DNAH9: variants seen among roughly 807,000 people sequenced by gnomAD.
DNAH9 encodes the protein dynein axonemal heavy chain 9.
DNAH9 carries 345 observed loss-of-function variants against 471.6 expected under a neutral mutation model. The observed-to-expected ratio is 0.73, with a 90% CI of 0.67 to 0.80. The LOEUF (loss-of-function observed/expected upper bound fraction) is 0.80. Among genes scored for constraint, DNAH9 ranks in the 30% least tolerant of loss-of-function variants. The pLI is 0.00. For synonymous variants in DNAH9, 2,093 were observed against 2,123.6 expected (o/e 0.99, Z 0.40); for missense variants, 5,407 against 5,609.2 (o/e 0.96, Z 1.15).
chr17:11,606,770 CAGCTTGATTTAGG>C, intron 1 of DNAH9, among the ~76,000 whole-genome samples: 1 of 152,264 alleles, frequency 6.6e-6, no homozygotes, highest in African/African-American at 2.4e-5. Flanking sequence ...AGTTCAAGAG[CAGCTTGATTTAGG>C]AGCTCAAACA....
chr17:11,610,586 G>A (rs554025993), intron 3 of DNAH9, 32 bp downstream of exon 3: 14 of 1,606,994 alleles, frequency 8.7e-6, no homozygotes, highest in African/African-American at 5.3e-5. Context: ...GGAAGTCTGG[G>A]GTGAAGATGT....
chr17:11,838,031 T>C (rs1265060338), intron 49 of DNAH9, among the ~76,000 whole-genome samples: 1 of 152,168 alleles, frequency 6.6e-6, no homozygotes. Flanking sequence ...AATTAAGATA[T>C]ACAAGAAAGA....
At chr17:11,786,212 A>C (rs1968862856) in intron 41 of DNAH9, among the ~76,000 whole-genome samples, 2 of 152,228 alleles carry the variant, frequency 1.3e-5, no homozygotes, top group South Asian at 4.1e-4. Context: ...TGCCTGGAAC[A>C]GTGGTCTTGT....
chr17:11,890,257 G>A (rs1403849313), intron 57 of DNAH9, among the ~76,000 whole-genome samples: 2 of 152,224 alleles, frequency 1.3e-5, no homozygotes, highest in African/African-American at 4.8e-5. Context: ...TCTCTGTGGT[G>A]CTGGGGGGAC....
chr17:11,723,925 A>G (rs1321484725), intron 27 of DNAH9, among the ~76,000 whole-genome samples: 1 of 152,120 alleles, frequency 6.6e-6, no homozygotes, highest in Non-Finnish European at 1.5e-5. Flanking sequence ...CGCCCGCCTC[A>G]GCCTCCCAAA....
At chr17:11,761,697 C>T (rs566045654) in intron 35 of DNAH9, among the ~76,000 whole-genome samples, 2 of 152,222 alleles carry the variant, frequency 1.3e-5, no homozygotes, top group South Asian at 2.1e-4. Flanking sequence ...CAGCAAGTCT[C>T]GGGGGTTTTC....
At chr17:11,696,841 GA>G (rs1390935252) in intron 22 of DNAH9, among the ~76,000 whole-genome samples, 1 of 152,036 alleles carries the variant, frequency 6.6e-6, no homozygotes, top group Admixed American at 6.6e-5. Flanking sequence ...ATCACTGCCA[GA>G]TTTTTTTATA....
intron 68 of DNAH9, among the ~76,000 whole-genome samples, chr17:11,964,304 CA>C (rs1435902357): frequency 6.6e-6 from 1 of 152,106 alleles, no homozygotes; most frequent in East Asian, 1.9e-4. Context: ...TAGAATCCTC[CA>C]AACCACCAAA....
intron 38 of DNAH9, among the ~76,000 whole-genome samples, chr17:11,776,033 C>T (rs1968417760): frequency 6.6e-6 from 1 of 152,122 alleles, no homozygotes; most frequent in Admixed American, 6.5e-5. Flanking sequence ...GGGGGCTGTG[C>T]TTCCGACTTA....
At chr17:11,712,093 T>A (rs1336875303) in intron 26 of DNAH9, among the ~76,000 whole-genome samples, 1 of 3,204 alleles carries the variant, frequency 3.1e-4, no homozygotes, top group East Asian at 0.016. Flanking sequence ...TTTGTATATA[T>A]ATTTATATAT....
At chr17:11,950,979 GA>G (rs1403848398) in intron 67 of DNAH9, among the ~76,000 whole-genome samples, 1 of 152,164 alleles carries the variant, frequency 6.6e-6, no homozygotes, top group African/African-American at 2.4e-5. Flanking sequence ...GAGTTCTGCT[GA>G]GTCACGTTAT....
rs568843125 is a variant in DNAH9, at chr17:11,844,566, C to T, written c.9508-9437C>T. Among the ~76,000 whole-genome samples, 85 of 152,090 alleles carry T rather than the reference C, an allele frequency of 5.6e-4. No homozygotes were observed. The East Asian group carries it at 0.01, about 18-fold the overall frequency. The stretch of plus-strand genomic sequence containing the variant: ...GATTGCAGGCGCACACCACCATGCC[C>T]GACTAATTTTTTGTATTTTTAGTAG... On this transcript the variant is annotated intron_variant, in intron 49 of 68. Transcript: ENST00000262442.
chr17:11,867,963 AGTTT>A (rs1311307507), intron 50 of DNAH9, among the ~76,000 whole-genome samples: 33 of 152,266 alleles, frequency 2.2e-4, no homozygotes, highest in Admixed American at 1.2e-3. Flanking sequence ...TGAGATCTCC[AGTTT>A]GTATAGGGCT....
At chr17:11,816,861 T>C (rs1317278428) in intron 45 of DNAH9, among the ~76,000 whole-genome samples, 1 of 152,160 alleles carries the variant, frequency 6.6e-6, no homozygotes, top group Non-Finnish European at 1.5e-5. Flanking sequence ...TTACAAATAG[T>C]GTTTCCCAAC....
chr17:11,889,023 T>C (rs1161030053), intron 57 of DNAH9, among the ~76,000 whole-genome samples: 1 of 152,228 alleles, frequency 6.6e-6, no homozygotes, highest in Non-Finnish European at 1.5e-5. Flanking sequence ...GTTTATAATA[T>C]GATTAAGATG....
chr17:11,954,786 A>C (rs1975554090), intron 67 of DNAH9, among the ~76,000 whole-genome samples: 1 of 144,750 alleles, frequency 6.9e-6, no homozygotes, highest in Admixed American at 7.0e-5. Context: ...AAAAAAAAAA[A>C]AAGAGAGAGA....
At chr17:11,930,162 G>C in intron 63 of DNAH9, 69 bp downstream of exon 63, 2 of 1,351,054 alleles carry the variant, frequency 1.5e-6, no homozygotes, top group Non-Finnish European at 2.1e-6. Context: ...CTGGTGGGGG[G>C]AGAGCATGCA....
chr17:11,868,425 GGAC>G (rs1359193066), intron 50 of DNAH9, among the ~76,000 whole-genome samples: 1 of 151,992 alleles, frequency 6.6e-6, no homozygotes, highest in Non-Finnish European at 1.5e-5. Context: ...TGTACTCAGA[GGAC>G]AACAAAAGCT....
chr17:11,634,963 A>G (rs918531443), intron 8 of DNAH9, among the ~76,000 whole-genome samples: 1 of 152,182 alleles, frequency 6.6e-6, no homozygotes, highest in East Asian at 1.9e-4. Flanking sequence ...TAGGATAAAG[A>G]GCATAAGGTC....
Sources: allele counts gnomAD v4.1 joint callset (sites outside exome capture counted in the v4.1 genomes callset), GRCh38; gene constraint gnomAD v4.1.1; transcripts MANE v1.5; gene names NCBI Gene and HGNC (gene_info 2026-07-23, HGNC 2026-07-21).